Variants in ZNF100 observed in about 807,000 individuals in gnomAD.
ZNF100 encodes zinc finger protein 100, also known as zinc finger protein 100 (Y1).
ZNF100 carries 12 observed loss-of-function variants against 15.8 expected under a neutral mutation model. The ratio of observed to expected loss-of-function variants is 0.76; its 90% CI spans 0.49 to 1.23. ZNF100 has a LOEUF of 1.23. Among genes scored for constraint, ZNF100 ranks in the 50% most tolerant of loss-of-function variants. ZNF100 has a pLI of 0.00. For synonymous variants in ZNF100, 226 were observed against 214.8 expected (o/e 1.05, Z -0.45); for missense variants, 670 against 635.6 (o/e 1.05, Z -0.58).
chr19:21,726,925 C>T lies in ZNF100; in HGVS notation c.1387G>A (p.Gly463Ser), dbSNP rs2035801824. ...TGTGAGGACCGGTTAAAGGCTTTGC[C>T]ACATTCGTCACATTTGTAGGGTTTC... Reference protein sequence around the residue: ...GEKPYKCDECGKAFNRSSQLT... With the variant: ...GEKPYKCDECSKAFNRSSQLT... Residue 463 changes from glycine to serine, a missense_variant, in exon 5 of 5, where the codon GGC (glycine) becomes AGC (serine). Gly to Ser is a moderately conservative substitution (Grantham distance 56). Transcript: ENST00000358296. 1 of 1,611,168 alleles carries T rather than the reference C, an allele frequency of 6.2e-7. No individual in the cohort carries two copies.
chr19:21,732,080 A>C (rs965363375), intron 4 of ZNF100, among the ~76,000 whole-genome samples: 15 of 152,176 alleles, frequency 9.9e-5, no homozygotes, highest in Non-Finnish European at 2.1e-4. Flanking sequence ...GTGAGGCAAA[A>C]GAATCACTTG....
rs1233136847 is a variant in ZNF100, at chr19:21,724,156, C to A, written c.*2527G>T. 1 of 152,094 alleles carries A rather than the reference C, an allele frequency of 6.6e-6. No individual in the cohort carries two copies. 9.4% of individuals were successfully genotyped at this position (152,094 alleles called of 1,614,324 possible). On this transcript the variant is annotated 3_prime_UTR_variant, in exon 5 of 5. Coordinates refer to ENST00000358296, the MANE Select transcript of ZNF100 (RefSeq NM_173531.4). ...TCATGGGGAGATTCAGAACTATAAG[C>A]CACAGAATGTACAGTAATAAATTCA...
intron 1 of ZNF100, among the ~76,000 whole-genome samples, chr19:21,766,151 A>G (rs1048621617): frequency 1.3e-5 from 2 of 152,212 alleles, no homozygotes; most frequent in African/African-American, 4.8e-5. Flanking sequence ...AATATGGTAT[A>G]AACAAGTACA....
intron 1 of ZNF100, among the ~76,000 whole-genome samples, chr19:21,766,498 A>G (rs1260899464): frequency 6.6e-6 from 1 of 151,876 alleles, no homozygotes; most frequent in Non-Finnish European, 1.5e-5. Flanking sequence ...ACAACTATAA[A>G]CTGTTAATTA....
At chr19:21,729,572 G>T (rs1472360357) in intron 4 of ZNF100, among the ~76,000 whole-genome samples, 2 of 150,406 alleles carry the variant, frequency 1.3e-5, no homozygotes, top group Non-Finnish European at 3.0e-5. Context: ...GTATAATAAT[G>T]AAAGAAAAAA....
In ZNF100 at chr19:21,727,325, G is replaced by A. The variant is rs776375744; in HGVS notation, c.987C>T (p.Ser329=). 3 of 1,612,792 alleles carry A rather than the reference G, an allele frequency of 1.9e-6. No individual in the cohort carries two copies. The South Asian group carries it at 3.3e-5, about 18-fold the overall frequency. The change falls in exon 5 of 5, where the codon TCC becomes TCT. Residue 329 remains serine (S), a synonymous_variant. Transcript: ENST00000358296. The stretch of plus-strand genomic sequence containing the variant: ...TTATCCTGTGTGTAGTAAGGTGTGA[G>A]GACCGGTTAAAAGCTTTGCCACATT... ...CTECGKAFNR[S]SHLTTHRIIH...
At chr19:21,744,554 T>C (rs1434165664) in intron 3 of ZNF100, among the ~76,000 whole-genome samples, 2 of 151,724 alleles carry the variant, frequency 1.3e-5, no homozygotes, top group Non-Finnish European at 2.9e-5. Flanking sequence ...GTATTTTTAG[T>C]AGAAATGGGG....
chr19:21,754,224 A>T (rs749962674), intron 2 of ZNF100, among the ~76,000 whole-genome samples: 4 of 149,808 alleles, frequency 2.7e-5, no homozygotes, highest in South Asian at 4.3e-4. Flanking sequence ...AAAATATTAC[A>T]ATCTACCACC....
intron 2 of ZNF100, among the ~76,000 whole-genome samples, chr19:21,760,850 A>G (rs2036472703): frequency 6.9e-6 from 1 of 145,318 alleles, no homozygotes; most frequent in Non-Finnish European, 1.5e-5. Context: ...TCCACTTTGC[A>G]GTTTCATGCC....
At chr19:21,736,085 G>C (rs1018932612) in intron 4 of ZNF100, among the ~76,000 whole-genome samples, 1 of 148,806 alleles carries the variant, frequency 6.7e-6, no homozygotes, top group Non-Finnish European at 1.5e-5. Flanking sequence ...ACCATGCCCG[G>C]CCTTATTGAT....
chr19:21,766,405 G>A (rs2036561913), intron 1 of ZNF100, among the ~76,000 whole-genome samples: 1 of 81,778 alleles, frequency 1.2e-5, no homozygotes. Context: ...TCTAGTCCCT[G>A]GGTTCCTACT....
chr19:21,742,145 A>C (rs2036120528), intron 4 of ZNF100, among the ~76,000 whole-genome samples: 1 of 151,932 alleles, frequency 6.6e-6, no homozygotes, highest in East Asian at 1.9e-4. Context: ...ACAATAGAAA[A>C]AATTACCCAG....
At chr19:21,747,786 T>G (rs923964793) in intron 2 of ZNF100, among the ~76,000 whole-genome samples, 1 of 152,020 alleles carries the variant, frequency 6.6e-6, no homozygotes, top group Non-Finnish European at 1.5e-5. Context: ...CATGTACTAA[T>G]GCAATAATTA....
Position 21,751,621 on chromosome 19 carries a change from C to G in ZNF100, c.97-6554G>C, listed in dbSNP as rs2036307731. 1.9e-6 allele frequency: 3 copies of G among 1,541,728 alleles called. No individual in the cohort carries two copies. The African/African-American group carries it at 4.1e-5, about 21-fold the overall frequency. ...TATGGAATGTGGACTACTGCCAGAT[C>G]CTCAAGGACATTACAGTTGAGGACA... On this transcript the variant is annotated intron_variant, in intron 2 of 4. Transcript: ENST00000358296.
chr19:21,743,194 C>G, intron 4 of ZNF100: 1 of 152,176 alleles, frequency 6.6e-6, no homozygotes, highest in East Asian at 1.9e-4. Flanking sequence ...CGCCACTGCA[C>G]TCCAACTTGA....
In ZNF100 at chr19:21,731,369, C is replaced by T. The variant is rs145682244; in HGVS notation, c.323-3380G>A. Reference sequence around the variant, plus strand: ...TGTTGCCCAGGCTGGAGTGCAGTGGCATGATCTTGGCTCACTGCAACCTCC... The same window carrying T: ...TGTTGCCCAGGCTGGAGTGCAGTGGTATGATCTTGGCTCACTGCAACCTCC... On this transcript the variant is annotated intron_variant, in intron 4 of 4. Transcript: ENST00000358296. Among the ~76,000 whole-genome samples, 822 of 148,624 alleles carry T rather than the reference C, an allele frequency of 5.5e-3. 10 individuals are homozygous for T. Among genetic ancestry groups the T allele is most frequent in the African/African-American group, 0.02 (792 of 39,314 alleles).
At chr19:21,754,608 C>T (rs2036363250) in intron 2 of ZNF100, among the ~76,000 whole-genome samples, 1 of 152,114 alleles carries the variant, frequency 6.6e-6, no homozygotes, top group Non-Finnish European at 1.5e-5. Flanking sequence ...AACTGGACCC[C>T]TTCCTTACAA....
intron 4 of ZNF100, among the ~76,000 whole-genome samples, chr19:21,738,919 T>C (rs897541455): frequency 2.0e-5 from 3 of 152,154 alleles, no homozygotes; most frequent in African/African-American, 7.2e-5. Flanking sequence ...CACTCCAGCC[T>C]AGACTACAGA....
Position 21,767,238 on chromosome 19 carries a change from A to C in ZNF100, c.3+189T>G, listed in dbSNP as rs145221869. Among the ~76,000 whole-genome samples the C allele has an allele frequency of 3.3e-3, 506 of 152,288 alleles. 6 individuals are homozygous for C. The highest frequency in any genetic ancestry group is 0.012 in the African/African-American group (489 of 41,568). ...GCACAGTCACTACGCAGGGAAGAGA[A>C]AGGACGCCTGGGGTCCTGGCTGTCA... On this transcript the variant is annotated intron_variant, in intron 1 of 4. Coordinates refer to ENST00000358296, the MANE Select transcript of ZNF100 (RefSeq NM_173531.4).
Sources: allele counts gnomAD v4.1 joint callset (sites outside exome capture counted in the v4.1 genomes callset), GRCh38; gene constraint gnomAD v4.1.1; transcripts MANE v1.5; gene names NCBI Gene and HGNC (gene_info 2026-07-23, HGNC 2026-07-21).